Variants in NCOA5 observed in about 807,000 individuals in gnomAD.
NCOA5 encodes NCoA-5.
Under a neutral mutation model 59.0 loss-of-function variants are expected in NCOA5, and 12 were observed. That is an observed-to-expected ratio of 0.20 (90% CI 0.13 to 0.33). NCOA5 has a LOEUF of 0.33. NCOA5 is among the 10% of genes least tolerant of loss of function. The probability of loss-of-function intolerance (pLI) is 1.00; values close to 1 mark genes in which losing one functional copy is unlikely to be tolerated. For synonymous variants in NCOA5, 270 were observed against 275.5 expected (o/e 0.98, Z 0.20); for missense variants, 655 against 766.6 (o/e 0.85, Z 1.72).
At chr20:46,074,885 CCT>C (rs1026755588) in intron 2 of NCOA5, among the ~76,000 whole-genome samples, 24 of 152,260 alleles carry the variant, frequency 1.6e-4, no homozygotes, top group East Asian at 1.2e-3. Context: ...GAGGAAGACC[CCT>C]GTCTTTTTCT....
At chr20:46,077,342 C>T (rs1378938791) in intron 2 of NCOA5, among the ~76,000 whole-genome samples, 20 of 152,136 alleles carry the variant, frequency 1.3e-4, no homozygotes, top group Non-Finnish European at 5.9e-5. Flanking sequence ...GCTCTGGCAA[C>T]GGCTATTACT....
chr20:46,086,695 G>A (rs1161187490), intron 1 of NCOA5, among the ~76,000 whole-genome samples: 1 of 152,138 alleles, frequency 6.6e-6, no homozygotes, highest in East Asian at 1.9e-4. Context: ...CAAAAAAGCT[G>A]ATATTGAGCT....
intron 1 of NCOA5, among the ~76,000 whole-genome samples, chr20:46,086,090 G>A (rs2069960004): frequency 6.6e-6 from 1 of 152,142 alleles, no homozygotes; most frequent in Admixed American, 6.5e-5. Flanking sequence ...TGTTGCCCAG[G>A]TTGGTCTCAA....
rs34503366 is a variant in NCOA5 at position 46,063,563 on chromosome 20, A to G, written c.947T>C (p.Met316Thr). 5,458 of 1,614,120 alleles carry G rather than the reference A, an allele frequency of 3.4e-3. 14 individuals are homozygous for G. Among genetic ancestry groups the G allele is most frequent in the Non-Finnish European group, 4.1e-3 (4,890 of 1,180,022 alleles). ...TTCCTGCAGGATGGCTTCATCGGCC[A>G]TCTTGGCTGCCTGTCTGGCAATCTC... ...REEIARQAAK[M>T]ADEAILQERE... is the part of the protein sequence containing the mutation. The change falls in exon 7 of 8, where the codon ATG becomes ACG. Residue 316 changes from methionine to threonine, a missense_variant. Physicochemically the swap from Met to Thr is moderately conservative, Grantham distance 81 (BLOSUM62 -1). Coordinates refer to ENST00000290231, the MANE Select transcript of NCOA5 (RefSeq NM_020967.3).
At chr20:46,078,222 C>T (rs538103258) in intron 2 of NCOA5, among the ~76,000 whole-genome samples, 5 of 152,308 alleles carry the variant, frequency 3.3e-5, no homozygotes, top group African/African-American at 7.2e-5. Flanking sequence ...AGTGGGCATG[C>T]GTAATCTATT....
At chr20:46,075,126 C>G (rs2084923596) in intron 2 of NCOA5, among the ~76,000 whole-genome samples, 1 of 152,234 alleles carries the variant, frequency 6.6e-6, no homozygotes, top group African/African-American at 2.4e-5. Flanking sequence ...AGACAACAGA[C>G]TTGTCCAGAA....
chr20:46,087,625 G>A (rs1271267135), intron 1 of NCOA5, among the ~76,000 whole-genome samples: 4 of 152,184 alleles, frequency 2.6e-5, no homozygotes, highest in Non-Finnish European at 5.9e-5. Context: ...CGGGCGTGGT[G>A]GCGCACGCCT....
intron 1 of NCOA5, among the ~76,000 whole-genome samples, chr20:46,082,056 G>T (rs1014237255): frequency 5.9e-5 from 9 of 152,124 alleles, no homozygotes; most frequent in Non-Finnish European, 1.0e-4. Context: ...AAACCTGTCA[G>T]TTGGAAGCAG....
intron 5 of NCOA5, 36 bp downstream of exon 5, chr20:46,067,019 T>C (rs1568878322): frequency 3.7e-6 from 6 of 1,606,110 alleles, no homozygotes; most frequent in Non-Finnish European, 5.1e-6. Context: ...CTCTGACTCT[T>C]CTCCTTACTG....
chr20:46,071,259 ACTC>A (rs943371742), intron 2 of NCOA5, among the ~76,000 whole-genome samples: 5 of 151,992 alleles, frequency 3.3e-5, no homozygotes, highest in Non-Finnish European at 7.4e-5. Flanking sequence ...CCCACTGGAA[ACTC>A]CTCTTCAACA....
At position 46,070,194 on chromosome 20, in the gene NCOA5, G is replaced by A. The variant is rs753339453; in HGVS notation, c.365+16C>T. 3 of 1,589,170 alleles carry A rather than the reference G, an allele frequency of 1.9e-6. No homozygotes were observed. The South Asian group carries it at 3.3e-5, about 18-fold the overall frequency. ...AAGAACTCAGGAAAAAACAAGCAGA[G>A]TAACTACGTATGTACCTGTACATAG... On this transcript the variant is annotated intron_variant, in intron 3 of 7. Transcript: ENST00000290231.
rs753672175 is a variant in NCOA5, at chr20:46,063,412, G to A, written c.1098C>T (p.Tyr366=). The A allele has an allele frequency of 3.1e-6, 5 of 1,614,024 alleles. No homozygotes were observed. In the African/African-American group the frequency reaches 6.7e-5, roughly 22 times the overall value. The part of the protein sequence containing the change: ...TAEETDKIIN[Y]LRERKERLMR... The stretch of plus-strand genomic sequence containing the variant: ...TCAGCCGCTCCTTCCGCTCTCGCAG[G>A]TAGTTGATGATCTTGTCAGTCTCTT... Residue 366 remains tyrosine (Y), a synonymous_variant, in exon 7 of 8, where the codon TAC becomes TAT. Transcript: ENST00000290231.
intron 1 of NCOA5, among the ~76,000 whole-genome samples, chr20:46,081,892 A>G (rs776025192): frequency 1.3e-5 from 2 of 152,128 alleles, no homozygotes; most frequent in Non-Finnish European, 2.9e-5. Context: ...CACCCAAAAA[A>G]TCCTAACACA....
rs146397693 is a variant in NCOA5, at chr20:46,063,427, G to C, written c.1083C>G (p.Asp361Glu). The C allele has an allele frequency of 3.7e-6, 6 of 1,614,062 alleles. No homozygotes were observed. Among genetic ancestry groups the C allele is most frequent in the Non-Finnish European group, 5.1e-6 (6 of 1,180,050 alleles). ...GCTCTCGCAGGTAGTTGATGATCTT[G>C]TCAGTCTCTTCAGCAGTGAGGTACC... is the stretch of plus-strand genomic sequence containing the variant. ...DNRYLTAEET[D>E]KIINYLRERK... The change falls in exon 7 of 8, where the codon GAC (aspartate) becomes GAG (glutamate). Residue 361 changes from aspartate (D) to glutamate (E), a missense_variant. This residue lies in a region of NCOA5 where 325 missense variants were observed against 353.2 expected (regional missense o/e 0.92). Transcript: ENST00000290231.
chr20:46,082,459 G>A (rs1400898749), intron 1 of NCOA5, among the ~76,000 whole-genome samples: 1 of 152,128 alleles, frequency 6.6e-6, no homozygotes, highest in East Asian at 1.9e-4. Flanking sequence ...TGGCAACTTG[G>A]GAATCTCTTC....
intron 2 of NCOA5, among the ~76,000 whole-genome samples, chr20:46,073,418 T>G (rs1231650016): frequency 6.6e-6 from 1 of 152,146 alleles, no homozygotes; most frequent in Non-Finnish European, 1.5e-5. Flanking sequence ...TAGAATAAAG[T>G]AAAGACTAAC....
chr20:46,067,615 A>G (rs1399277051), intron 4 of NCOA5, among the ~76,000 whole-genome samples: 1 of 151,776 alleles, frequency 6.6e-6, no homozygotes, highest in Non-Finnish European at 1.5e-5. Context: ...TAAAAATTTA[A>G]AAGTTCTTTT....
chr20:46,072,669 G>A (rs557747047), intron 2 of NCOA5, among the ~76,000 whole-genome samples: 11 of 152,194 alleles, frequency 7.2e-5, no homozygotes, highest in Admixed American at 6.5e-4. Flanking sequence ...ATCCCTTTAC[G>A]TGAGTAGCAG....
intron 2 of NCOA5, among the ~76,000 whole-genome samples, chr20:46,076,995 AG>A (rs1568884923): frequency 6.6e-6 from 1 of 152,184 alleles, no homozygotes; most frequent in African/African-American, 2.4e-5. Flanking sequence ...GGCTCACTGC[AG>A]CCTCAACCCC....
Sources: gnomAD v4.1 joint callset for allele counts (sites outside exome capture counted in the v4.1 genomes callset) on GRCh38, gnomAD v4.1.1 for gene constraint, gnomAD v4.1.1 regional missense constraint, MANE v1.5 for transcripts, NCBI Gene and HGNC (gene_info 2026-07-23, HGNC 2026-07-21) for gene names.